The following KIF18B variants were observed in gnomAD, a reference collection of about 807,000 sequenced individuals.
The protein encoded by KIF18B is kinesin-like protein KIF18B.
A neutral mutation model predicts 80.9 loss-of-function variants in KIF18B; 49 were observed. That is an observed-to-expected ratio of 0.61 (90% CI 0.48 to 0.77). The LOEUF is 0.77. Ranked by LOEUF, KIF18B falls within the 30% of genes least tolerant of loss-of-function variation. The pLI, the probability that KIF18B is intolerant of heterozygous loss-of-function variation, is 0.00. For synonymous variants in KIF18B, 439 were observed against 463.9 expected (o/e 0.95, Z 0.69); for missense variants, 994 against 1,127.7 (o/e 0.88, Z 1.70).
intron 1 of KIF18B, among the ~76,000 whole-genome samples, chr17:44,940,761 T>TC (rs1255887850): frequency 6.6e-6 from 1 of 152,190 alleles, no homozygotes; most frequent in African/African-American, 2.4e-5. Flanking sequence ...AAGTGGGGTT[T>TC]CTACCTGACA....
intron 10 of KIF18B, 26 bp downstream of exon 10, chr17:44,932,030 C>G (rs73307487): frequency 1.3e-6 from 2 of 1,590,276 alleles, no homozygotes. Context: ...CTCCCGATAC[C>G]CAGGCCTCAC....
intron 7 of KIF18B, 145 bp downstream of exon 7, chr17:44,933,778 C>T: frequency 1.3e-6 from 1 of 795,024 alleles, no homozygotes; most frequent in East Asian, 2.7e-5. Context: ...CAGGCATGAG[C>T]CACCATGTCC....
Position 44,934,488 on chromosome 17 carries a change from C to A in KIF18B, c.687+19G>T. ...GGGCATCAGGGGCACTGGTTTCAGG[C>A]TCTGACCCATGACCTCACCTGGAAG... On this transcript the variant is annotated intron_variant, in intron 5 of 15. Transcript: ENST00000593135. The surrounding 1 kb of genome is among the most constrained non-coding windows in gnomAD (Gnocchi z 5.4). 2 of 1,608,668 alleles carry A rather than the reference C, an allele frequency of 1.2e-6. No homozygotes were observed. The highest frequency in any genetic ancestry group is 8.5e-7 in the Non-Finnish European group (1 of 1,177,116).
rs1263949456 is a variant in KIF18B at position 44,926,321 on chromosome 17, C to G, written c.2452+93G>C. The G allele has an allele frequency of 3.9e-6, 6 of 1,556,908 alleles. No individual in the cohort carries two copies. In the East Asian group the frequency reaches 1.5e-4, roughly 38 times the overall value. The stretch of plus-strand genomic sequence containing the variant: ...ATGCTTGGCAATACCCTAGGCCCTC[C>G]TTTCTTCTGGGTCTCAGCTCCCCGT... On this transcript the variant is annotated intron_variant, in intron 15 of 15. Transcript: ENST00000593135.
Position 44,945,800 on chromosome 17 carries a change from G to A in KIF18B, c.-15+1828C>T, listed in dbSNP as rs189907129. Among the ~76,000 whole-genome samples the A allele has an allele frequency of 9.8e-3, 1,493 of 151,770 alleles. 24 individuals are homozygous for A. The highest frequency in any genetic ancestry group is 0.033 in the African/African-American group (1,377 of 41,324). ...GGGTGCCTGTAATGCCAGCTACTCC[G>A]GAGGCTGAGGCAGGAGAATCGCTTG... On this transcript the variant is annotated intron_variant, in intron 1 of 15. Transcript: ENST00000593135.
chr17:44,932,780 C>A lies in KIF18B; in HGVS notation c.1138-7G>T, dbSNP rs2052186109. On this transcript the variant is annotated splice_region_variant and splice_polypyrimidine_tract_variant and intron_variant, in intron 8 of 15. Coordinates refer to ENST00000593135, the MANE Select transcript of KIF18B (RefSeq NM_001265577.2). ...TCTTCCTCAGAGCGGCTACCTGGAA[C>A]AGAAGCAGCCCAGCCCCTGAGAGCC... is the stretch of plus-strand genomic sequence containing the variant. The A allele has an allele frequency of 6.2e-7, 1 of 1,611,230 alleles. No individual in the cohort carries two copies. Among genetic ancestry groups the A allele is most frequent in the African/African-American group, 1.3e-5 (1 of 74,974 alleles).
Position 44,947,742 on chromosome 17 carries a change from CCAACCTCCACCCGGCGCCTTGCGTT to C in KIF18B, c.-154_-130del, listed in dbSNP as rs2052538814. On this transcript the variant is annotated 5_prime_UTR_variant, in exon 1 of 16. Coordinates refer to ENST00000593135, the MANE Select transcript of KIF18B (RefSeq NM_001265577.2). ...CGCCCCACACCCTCCCCTACCCGCG[CCAACCTCCACCCGGCGCCTTGCGTT>C]CAAATTAGCCGGGCGGGCCGGACCG... 2 of 152,290 alleles carry C rather than the reference CCAACCTCCACCCGGCGCCTTGCGTT, an allele frequency of 1.3e-5. No homozygotes were observed. The highest frequency in any genetic ancestry group is 4.8e-5 in the African/African-American group (2 of 41,466). The allele number at this position is 152,290 out of a possible 1,614,324, so 9.4% of individuals were successfully genotyped here.
At chr17:44,935,103 C>G (rs140098947) in intron 3 of KIF18B, among the ~76,000 whole-genome samples, 156 bp downstream of exon 3, 10 of 152,222 alleles carry the variant, frequency 6.6e-5, no homozygotes, top group African/African-American at 2.2e-4. Flanking sequence ...AGGCGGGTGT[C>G]TCTAGTGCAG....
chr17:44,926,990 T>C lies in KIF18B; in HGVS notation c.2365A>G (p.Ser789Gly), dbSNP rs1159006023. The C allele has an allele frequency of 6.2e-7, 1 of 1,607,688 alleles. No homozygotes were observed. The highest frequency in any genetic ancestry group is 1.7e-5 in the Admixed American group (1 of 59,168). Residue 789 changes from serine (S) to glycine (G), a missense_variant and splice_region_variant, in exon 14 of 16, where the codon AGT becomes GGT. By Grantham distance (56) the Ser-to-Gly change is moderately conservative. Coordinates refer to ENST00000593135, the MANE Select transcript of KIF18B (RefSeq NM_001265577.2). The part of the protein sequence containing the change: ...TSACKKKRVA[S>G]SSVSHGRSRI... Reference sequence around the variant, plus strand: ...CAGCTGACACCTCCCAAACCTCACCTCGCAACGCGCTTCTTCTTGCAGGCA... The same window carrying C: ...CAGCTGACACCTCCCAAACCTCACCCCGCAACGCGCTTCTTCTTGCAGGCA...
At chr17:44,936,555 A>ACTCTCT (rs59137224) in intron 1 of KIF18B, among the ~76,000 whole-genome samples, 197 bp from the exon 2 acceptor site, 78 of 37,166 alleles carry the variant, frequency 2.1e-3, no homozygotes, top group Middle Eastern at 0.023. Context: ...TACTCAAATG[A>ACTCTCT]CTCTCTCTCT....
At chr17:44,944,230 A>G (rs1227251044) in intron 1 of KIF18B, among the ~76,000 whole-genome samples, 2 of 151,580 alleles carry the variant, frequency 1.3e-5, no homozygotes, top group Non-Finnish European at 2.9e-5. Flanking sequence ...AAACAGATTG[A>G]CTTGTAATTT....
Position 44,932,768 on chromosome 17 carries a change from G to C in KIF18B, c.1143C>G (p.Ala381=). 1 of 1,612,932 alleles carries C rather than the reference G, an allele frequency of 6.2e-7. No individual in the cohort carries two copies. Among genetic ancestry groups the C allele is most frequent in the East Asian group, 2.2e-5 (1 of 44,850 alleles). The stretch of plus-strand genomic sequence containing the variant: ...ACACTTGGAGCTTCTTCCTCAGAGC[G>C]GCTACCTGGAACAGAAGCAGCCCAG... ...TICQQLQAEV[A]ALRKKLQVYE... The change falls in exon 9 of 16, where the codon GCC becomes GCG. Residue 381 remains alanine, a synonymous_variant. Transcript: ENST00000593135.
Position 44,932,786 on chromosome 17 carries a change from C to A in KIF18B, c.1138-13G>T. On this transcript the variant is annotated splice_polypyrimidine_tract_variant and intron_variant, in intron 8 of 15. Coordinates refer to ENST00000593135, the MANE Select transcript of KIF18B (RefSeq NM_001265577.2). ...TCAGAGCGGCTACCTGGAACAGAAG[C>A]AGCCCAGCCCCTGAGAGCCCCAGCT... The A allele has an allele frequency of 6.2e-7, 1 of 1,608,444 alleles. No homozygotes were observed. Among genetic ancestry groups the A allele is most frequent in the Non-Finnish European group, 8.5e-7 (1 of 1,176,206 alleles).
In KIF18B at chr17:44,934,704, C is replaced by T. The variant is rs1414057976; in HGVS notation, c.577-87G>A. ...AGGAAGGGCTGCTCTTCAGAATCTA[C>T]ATCACCCCCTTGCTACCACCACCAC... On this transcript the variant is annotated intron_variant, in intron 4 of 15. Coordinates refer to ENST00000593135, the MANE Select transcript of KIF18B (RefSeq NM_001265577.2). This position sits in a 1 kb window ranked among gnomAD's most constrained non-coding sequence, Gnocchi z 5.4. The T allele has an allele frequency of 1.5e-6, 2 of 1,307,584 alleles. No homozygotes were observed. Among genetic ancestry groups the T allele is most frequent in the East Asian group, 2.5e-5 (1 of 39,338 alleles). 81.0% of individuals were successfully genotyped at this position (1,307,584 alleles called of 1,614,324 possible).
rs749223855 is a variant in KIF18B at position 44,936,338 on chromosome 17, C to T, written c.7G>A (p.Val3Met). The T allele has an allele frequency of 1.2e-6, 2 of 1,602,656 alleles. No individual in the cohort carries two copies. Among genetic ancestry groups the T allele is most frequent in the African/African-American group, 1.3e-5 (1 of 74,836 alleles). ...ACTACTTGCAGCGTGCTGTCCTCCA[C>T]TGCCATCACTGTGGTGACACCTGGG... MA[V>M]EDSTLQVVVR... is the part of the protein sequence containing the mutation. The change falls in exon 2 of 16, where the codon GTG becomes ATG. Residue 3 changes from valine (V) to methionine (M), a missense_variant. Coordinates refer to ENST00000593135, the MANE Select transcript of KIF18B (RefSeq NM_001265577.2).
At chr17:44,941,340 C>CTTT (rs36121835) in intron 1 of KIF18B, among the ~76,000 whole-genome samples, 2 of 134,712 alleles carry the variant, frequency 1.5e-5, no homozygotes, top group Non-Finnish European at 1.6e-5. Context: ...TTTTCTTTTT[C>CTTT]TTTTTTTTTT....
chr17:44,945,825 G>C (rs1295686110), intron 1 of KIF18B, among the ~76,000 whole-genome samples: 2 of 149,470 alleles, frequency 1.3e-5, no homozygotes, highest in African/African-American at 4.9e-5. Flanking sequence ...AGAATCGCTT[G>C]AATCTTGGAG....
Position 44,934,986 on chromosome 17 carries a change from A to G in KIF18B, c.472-51T>C, listed in dbSNP as rs1597885376. 1 of 1,310,390 alleles carries G rather than the reference A, an allele frequency of 7.6e-7. No homozygotes were observed. Among genetic ancestry groups the G allele is most frequent in the African/African-American group, 1.5e-5 (1 of 67,394 alleles). The allele number at this position is 1,310,390 out of a possible 1,614,324, so 81.2% of individuals were successfully genotyped here. A position where few individuals can be genotyped will look rare whatever the true frequency, so the allele number is the denominator to read the frequency against. ...CTGAGGGAGAGCGGCCCATCAGGAA[A>G]CCTCTCCCTAGCGGCTGGACAGGGG... is the stretch of plus-strand genomic sequence containing the variant. On this transcript the variant is annotated intron_variant, in intron 3 of 15. Coordinates refer to ENST00000593135, the MANE Select transcript of KIF18B (RefSeq NM_001265577.2). This position sits in a 1 kb window ranked among gnomAD's most constrained non-coding sequence, Gnocchi z 5.4.
At chr17:44,933,695 G>A (rs2052210008) in intron 7 of KIF18B, among the ~76,000 whole-genome samples, 1 of 152,052 alleles carries the variant, frequency 6.6e-6, no homozygotes, top group African/African-American at 2.4e-5. Context: ...GTTTCATCAT[G>A]CTGCCCAGGC....
Sources: allele counts gnomAD v4.1 joint callset (sites outside exome capture counted in the v4.1 genomes callset), GRCh38; gene constraint gnomAD v4.1.1; non-coding constraint Gnocchi (gnomAD v3.1); transcripts MANE v1.5; gene names NCBI Gene and HGNC (gene_info 2026-07-23, HGNC 2026-07-21).